TMEM117: variants seen among roughly 807,000 people sequenced by gnomAD.
TMEM117 encodes transmembrane protein 117.
TMEM117 carries 27 observed loss-of-function variants against 52.4 expected under a neutral mutation model. The ratio of observed to expected loss-of-function variants is 0.51; its 90% confidence interval spans 0.38 to 0.71. The LOEUF (loss-of-function observed/expected upper bound fraction) is 0.71, where lower values mean the gene tolerates loss of function less well. TMEM117 is among the 30% of genes least tolerant of loss of function. The pLI is 0.00. For missense variants in TMEM117, 556 were observed against 630.5 expected (o/e 0.88, Z 1.26); for synonymous variants, 215 against 206.3 (o/e 1.04, Z -0.36).
chr12:44,168,470 C>A (rs762762032), intron 4 of TMEM117, among the ~76,000 whole-genome samples: 11 of 149,970 alleles, frequency 7.3e-5, no homozygotes, highest in Non-Finnish European at 1.5e-4. Flanking sequence ...TAAGCATTTA[C>A]TCCTTTTTAT....
intron 3 of TMEM117, among the ~76,000 whole-genome samples, chr12:44,045,716 A>T (rs1946871684): frequency 6.6e-6 from 1 of 152,112 alleles, no homozygotes; most frequent in Admixed American, 6.5e-5. Flanking sequence ...GGTGGCGGGC[A>T]TCTGTAATCC....
chr12:44,227,845 T>G (rs1225224549), intron 5 of TMEM117, among the ~76,000 whole-genome samples: 1 of 152,104 alleles, frequency 6.6e-6, no homozygotes, highest in African/African-American at 2.4e-5. Context: ...TGACTAAGCC[T>G]GTTTAGATTT....
intron 4 of TMEM117, among the ~76,000 whole-genome samples, chr12:44,149,251 A>G (rs575531173): frequency 3.9e-5 from 6 of 152,330 alleles, no homozygotes; most frequent in African/African-American, 1.4e-4. Flanking sequence ...GGGTTGAGAT[A>G]TGTCCCTTGA....
chr12:44,358,206 A>G (rs1459917398), intron 6 of TMEM117, among the ~76,000 whole-genome samples: 2 of 151,988 alleles, frequency 1.3e-5, no homozygotes, highest in African/African-American at 4.8e-5. Context: ...TTGAAAAACT[A>G]ACTATTGGGC....
At chr12:43,899,635 T>TG (rs1944271729) in intron 2 of TMEM117, among the ~76,000 whole-genome samples, 2 of 54,882 alleles carry the variant, frequency 3.6e-5, no homozygotes, top group Non-Finnish European at 1.6e-4. Flanking sequence ...CCCTAAATTT[T>TG]TATTTTTTTC....
intron 2 of TMEM117, among the ~76,000 whole-genome samples, chr12:43,890,772 C>T (rs113528455): frequency 0.039 from 5,873 of 152,122 alleles, 143 homozygotes; most frequent in Middle Eastern, 0.088. Context: ...CCTCGTGATC[C>T]ACCAGCCTCA....
At chr12:43,800,151 T>G in the TMEM117 span, among the ~76,000 whole-genome samples, 1 of 152,194 alleles carries the variant, frequency 6.6e-6, no homozygotes, top group Non-Finnish European at 1.5e-5. Flanking sequence ...TATATTTCAG[T>G]GTTTCAATTT....
chr12:43,880,047 A>G (rs1943869353), intron 2 of TMEM117, among the ~76,000 whole-genome samples: 1 of 152,234 alleles, frequency 6.6e-6, no homozygotes, highest in Non-Finnish European at 1.5e-5. Context: ...AGTGTCTCTA[A>G]TATTTTTCAG....
Position 44,052,534 on chromosome 12 carries a change from ATCTC to A in TMEM117, c.411-90986_411-90983del, listed in dbSNP as rs559713192. Among the ~76,000 whole-genome samples, 220 of 152,084 alleles carry A rather than the reference ATCTC, an allele frequency of 1.4e-3. 3 individuals are homozygous for A. The highest frequency in any genetic ancestry group is 4.9e-3 in the African/African-American group (205 of 41,468). Reference sequence around the variant, plus strand: ...GAGACCTTCTGTAGTGTTGCTGGGAATCTCTCTCCTGAGTTCCGTGATGTGGGTG... The same window carrying A: ...GAGACCTTCTGTAGTGTTGCTGGGAATCTCCTGAGTTCCGTGATGTGGGTG... On this transcript the variant is annotated intron_variant, in intron 3 of 7. Transcript: ENST00000266534.
chr12:43,969,218 T>G (rs1945535959), intron 3 of TMEM117, among the ~76,000 whole-genome samples: 1 of 151,772 alleles, frequency 6.6e-6, no homozygotes, highest in Non-Finnish European at 1.5e-5. Context: ...TTATCAACCC[T>G]TTAAAACTTA....
rs1020861049 is a variant in TMEM117 at position 44,001,979 on chromosome 12, A to G, written c.410+57637A>G. Among the ~76,000 whole-genome samples the G allele has an allele frequency of 2.6e-5, 4 of 152,132 alleles. No homozygotes were observed. The East Asian group carries it at 7.7e-4, about 29-fold the overall frequency. ...TAGAGGAGGGGCAATCAGACTGTAT[A>G]CAGGGACAAGAAGTGCTCCTGGAGG... On this transcript the variant is annotated intron_variant, in intron 3 of 7. Coordinates refer to ENST00000266534, the MANE Select transcript of TMEM117 (RefSeq NM_032256.3).
rs569041757 is a variant in TMEM117 at position 43,840,451 on chromosome 12, A to G, written c.-28-4173A>G. The stretch of plus-strand genomic sequence containing the variant: ...ATGAGAGGGAGTTGAGGGGGGGTGC[A>G]TTAGTATTGTTACTGGCCACGTCAT... On this transcript the variant is annotated intron_variant, in intron 1 of 7. Coordinates refer to ENST00000266534, the MANE Select transcript of TMEM117 (RefSeq NM_032256.3). 1.2e-3 allele frequency among the ~76,000 whole-genome samples: 187 copies of G among 152,294 alleles called. 1 individual carries two copies. The highest frequency in any genetic ancestry group is 4.4e-3 in the African/African-American group (181 of 41,546).
chr12:44,019,449 A>G (rs1946423075), intron 3 of TMEM117, among the ~76,000 whole-genome samples: 1 of 152,064 alleles, frequency 6.6e-6, no homozygotes. Flanking sequence ...TGCACCATTA[A>G]TAAGCACTGG....
intron 3 of TMEM117, among the ~76,000 whole-genome samples, chr12:44,097,761 A>G (rs1947794662): frequency 7.6e-6 from 1 of 132,236 alleles, no homozygotes; most frequent in African/African-American, 3.7e-5. Context: ...ATATACCTAA[A>G]TGACGAGTTA....
At chr12:44,327,678 T>C (rs1456773443) in intron 6 of TMEM117, among the ~76,000 whole-genome samples, 1 of 151,792 alleles carries the variant, frequency 6.6e-6, no homozygotes, top group African/African-American at 2.4e-5. Flanking sequence ...CTTCCATGAC[T>C]TTTTTTTTCT....
chr12:43,848,900 G>GC (rs1204916832), intron 2 of TMEM117, among the ~76,000 whole-genome samples: 3 of 152,204 alleles, frequency 2.0e-5, no homozygotes, highest in African/African-American at 7.2e-5. Flanking sequence ...GGAGGAGTGG[G>GC]CAGGGGCCTA....
At chr12:44,191,840 AT>A (rs1949359109) in intron 4 of TMEM117, among the ~76,000 whole-genome samples, 1 of 152,036 alleles carries the variant, frequency 6.6e-6, no homozygotes, top group South Asian at 2.1e-4. Flanking sequence ...GAACTACTAC[AT>A]TTTTTTCTAT....
chr12:44,265,250 G>A (rs569321427), intron 5 of TMEM117, among the ~76,000 whole-genome samples: 78 of 152,268 alleles, frequency 5.1e-4, no homozygotes, highest in Non-Finnish European at 1.0e-3. Flanking sequence ...CAGAAACAAA[G>A]GAAGGGCCAG....
At position 44,040,426 on chromosome 12, in the gene TMEM117, T is replaced by G. The variant is rs532800831; in HGVS notation, c.410+96084T>G. 3.3e-5 allele frequency among the ~76,000 whole-genome samples: 5 copies of G among 152,288 alleles called. No homozygotes were observed. In the East Asian group the frequency reaches 9.6e-4, roughly 29 times the overall value. ...CGACTGTTATAAATATATTTCCTTATATAAGCTTTCTAACAATTTCTTCTT... is the reference window on the plus strand; with the variant it reads ...CGACTGTTATAAATATATTTCCTTAGATAAGCTTTCTAACAATTTCTTCTT... On this transcript the variant is annotated intron_variant, in intron 3 of 7. Transcript: ENST00000266534.
Sources: gnomAD v4.1 joint callset for allele counts (sites outside exome capture counted in the v4.1 genomes callset) on GRCh38, gnomAD v4.1.1 for gene constraint, MANE v1.5 for transcripts, NCBI Gene and HGNC (gene_info 2026-07-23, HGNC 2026-07-21) for gene names.